The following SLC17A3 variants were observed in gnomAD, a reference collection of about 807,000 sequenced individuals.
SLC17A3 encodes solute carrier family 17 member 3, also known as sodium-dependent phosphate transport protein 4.
SLC17A3 carries 61 observed loss-of-function variants against 60.3 expected under a neutral mutation model. The ratio of observed to expected loss-of-function variants is 1.01; its 90% confidence interval spans 0.82 to 1.25. The LOEUF (loss-of-function observed/expected upper bound fraction) is 1.25. Ranked by LOEUF, SLC17A3 falls within the 50% of genes most tolerant of loss-of-function variation. SLC17A3 has a pLI of 0.00. For missense variants in SLC17A3, 624 were observed against 594.9 expected, an observed-to-expected ratio of 1.05 and a Z score of -0.51; for synonymous variants, 192 against 208.9, an observed-to-expected ratio of 0.92 and a Z score of 0.70.
Position 25,850,492 on chromosome 6 carries a change from G to A in SLC17A3, c.960C>T (p.Tyr320=). The A allele has an allele frequency of 6.2e-7, 1 of 1,613,876 alleles. No homozygotes were observed. The highest frequency in any genetic ancestry group is 8.5e-7 in the Non-Finnish European group (1 of 1,179,826). ...VSTMVVYIPT[Y]ISSVYHVNIR... ...TGTTAACATGGTACACAGAGCTGATGTAAGTTGGTATGTATACAACCATTG... is the reference window on the plus strand; with the variant it reads ...TGTTAACATGGTACACAGAGCTGATATAAGTTGGTATGTATACAACCATTG... Residue 320 remains tyrosine (Y), a synonymous_variant, in exon 8 of 13, where the codon TAC becomes TAT. Transcript: ENST00000397060.
At chr6:25,862,770 G>A (rs1053197899) in intron 2 of SLC17A3, among the ~76,000 whole-genome samples, 3 of 150,824 alleles carry the variant, frequency 2.0e-5, no homozygotes, top group Admixed American at 6.6e-5. Context: ...GTGTGTGTGT[G>A]TATATGTAAC....
intron 1 of SLC17A3, among the ~76,000 whole-genome samples, chr6:25,870,414 C>T (rs1248271426): frequency 6.6e-6 from 1 of 152,012 alleles, no homozygotes. Flanking sequence ...TACTTATTCT[C>T]ACTCCCCTGC....
chr6:25,852,929 A>G (rs1765302265), intron 6 of SLC17A3, among the ~76,000 whole-genome samples: 1 of 152,138 alleles, frequency 6.6e-6, no homozygotes, highest in Non-Finnish European at 1.5e-5. Flanking sequence ...TATTCCTGTA[A>G]ATCTTATTAA....
intron 1 of SLC17A3, among the ~76,000 whole-genome samples, chr6:25,868,793 G>T (rs1175249707): frequency 2.0e-5 from 3 of 151,818 alleles, no homozygotes; most frequent in African/African-American, 7.3e-5. Flanking sequence ...AGTTGCTGTT[G>T]GCTTAAACAG....
Position 25,862,579 on chromosome 6 carries a change from A to G in SLC17A3, c.92-135T>C, listed in dbSNP as rs1765470807. 6 of 785,904 alleles carry G rather than the reference A, an allele frequency of 7.6e-6. No homozygotes were observed. In the East Asian group the frequency reaches 1.6e-4, roughly 21 times the overall value. The allele number at this position is 785,904 out of a possible 1,614,324, so 48.7% of individuals were successfully genotyped here. The stretch of plus-strand genomic sequence containing the variant: ...CTTAAATGACACTTCTGTTGGCTTT[A>G]TGAAAGGAAGATACAAAAGGAGATC... On this transcript the variant is annotated intron_variant, in intron 2 of 12. Transcript: ENST00000397060.
chr6:25,849,379 T>C lies in SLC17A3; in HGVS notation c.1357A>G (p.Ser453Gly). Residue 453 changes from serine (S) to glycine (G), a missense_variant, in exon 11 of 13, where the codon AGT becomes GGT. By Grantham distance (56) the Ser-to-Gly change is moderately conservative. Coordinates refer to ENST00000397060, the MANE Select transcript of SLC17A3 (RefSeq NM_001098486.2). ...IVPTVSGFLL[S>G]QDPEFGWRNV... The stretch of plus-strand genomic sequence containing the variant: ...TCATGACAAAAAAATTGTACCTGAC[T>C]AAGAAGAAATCCACTGACAGTGGGT... The C allele has an allele frequency of 6.3e-7, 1 of 1,596,400 alleles. No individual in the cohort carries two copies. The highest frequency in any genetic ancestry group is 8.6e-7 in the Non-Finnish European group (1 of 1,164,248).
intron 2 of SLC17A3, among the ~76,000 whole-genome samples, chr6:25,865,395 CAT>C (rs1422281255): frequency 2.0e-5 from 3 of 151,966 alleles, no homozygotes; most frequent in Non-Finnish European, 2.9e-5. Flanking sequence ...TTAACTGAAA[CAT>C]AGTATCTTTG....
rs186108566 is a variant in SLC17A3, at chr6:25,855,955, A to T, written c.626-725T>A. Among the ~76,000 whole-genome samples, 121 of 152,316 alleles carry T rather than the reference A, an allele frequency of 7.9e-4. 1 individual carries two copies. The highest frequency in any genetic ancestry group is 2.8e-3 in the African/African-American group (115 of 41,576). On this transcript the variant is annotated intron_variant, in intron 5 of 12. Coordinates refer to ENST00000397060, the MANE Select transcript of SLC17A3 (RefSeq NM_001098486.2). ...GTTTTGTGACTTCACTTTTTATTCA[A>T]CAATTAGTCTTGTAAGCGTTTTTAT...
At chr6:25,851,959 T>A (rs555101472) in intron 6 of SLC17A3, among the ~76,000 whole-genome samples, 2 of 152,288 alleles carry the variant, frequency 1.3e-5, no homozygotes, top group South Asian at 4.1e-4. Flanking sequence ...ATGTTGAATA[T>A]TTTTTATGCT....
intron 8 of SLC17A3, 58 bp from the exon 9 acceptor site, chr6:25,850,235 GTT>G: frequency 1.3e-6 from 2 of 1,546,518 alleles, no homozygotes; most frequent in Non-Finnish European, 8.9e-7. Flanking sequence ...CACAACTTTT[GTT>G]GATAAATTAC....
intron 6 of SLC17A3, among the ~76,000 whole-genome samples, chr6:25,851,185 A>G (rs1765270458): frequency 1.3e-5 from 2 of 150,256 alleles, no homozygotes; most frequent in Admixed American, 1.3e-4. Flanking sequence ...TGAGTTGAGC[A>G]TCTTTTCATG....
chr6:25,845,887 A>G (rs1048507804), intron 11 of SLC17A3, among the ~76,000 whole-genome samples: 5 of 152,150 alleles, frequency 3.3e-5, no homozygotes, highest in African/African-American at 9.7e-5. Flanking sequence ...TTTAAGTTTG[A>G]AGAATTCTGA....
chr6:25,847,894 C>T (rs965071523), intron 11 of SLC17A3, among the ~76,000 whole-genome samples: 5 of 152,052 alleles, frequency 3.3e-5, no homozygotes, highest in African/African-American at 7.2e-5. Context: ...ACCCTTACCC[C>T]CTTCCCACAC....
chr6:25,850,674 T>C (rs1259920750), intron 7 of SLC17A3, 54 bp from the exon 8 acceptor site: 16 of 1,610,618 alleles, frequency 9.9e-6, no homozygotes, highest in South Asian at 7.7e-5. Flanking sequence ...CTCACACACT[T>C]AGTCACCCTT....
chr6:25,855,803 T>C (rs1581524417), intron 5 of SLC17A3, among the ~76,000 whole-genome samples: 2 of 152,202 alleles, frequency 1.3e-5, no homozygotes, highest in East Asian at 1.9e-4. Flanking sequence ...TTTTATTACT[T>C]TTTCAATCAT....
intron 1 of SLC17A3, among the ~76,000 whole-genome samples, chr6:25,872,015 G>C (rs1303483670): frequency 1.3e-5 from 2 of 151,920 alleles, no homozygotes; most frequent in South Asian, 2.1e-4. Context: ...ACTCACTTGG[G>C]GCCAAAAGAG....
chr6:25,856,740 T>C (rs1484921050), intron 5 of SLC17A3, among the ~76,000 whole-genome samples: 2 of 150,374 alleles, frequency 1.3e-5, no homozygotes, highest in Non-Finnish European at 3.0e-5. Flanking sequence ...CCAGCTACTG[T>C]GGAGGCTGAC....
At chr6:25,868,615 G>C (rs962879357) in intron 1 of SLC17A3, 195 bp from the exon 2 acceptor site, 11 of 519,178 alleles carry the variant, frequency 2.1e-5, no homozygotes, top group African/African-American at 1.2e-4. Flanking sequence ...TATTTATTAG[G>C]ATCTAGAGTG....
chr6:25,861,514 C>A (rs1765445368), intron 5 of SLC17A3, 110 bp downstream of exon 5: 4 of 874,902 alleles, frequency 4.6e-6, no homozygotes, highest in Non-Finnish European at 1.9e-6. Context: ...TTTAAAAATA[C>A]TTCACTGACA....
Sources: allele counts gnomAD v4.1 joint callset (sites outside exome capture counted in the v4.1 genomes callset), GRCh38; gene constraint gnomAD v4.1.1; transcripts MANE v1.5; gene names NCBI Gene and HGNC (gene_info 2026-07-23, HGNC 2026-07-21).